Variants in RBMS3 observed in about 807,000 individuals in gnomAD.
The protein encoded by RBMS3 is RNA binding motif single stranded interacting protein 3, also known as RNA-binding motif, single-stranded-interacting protein 3.
Under a neutral mutation model 66.8 loss-of-function variants are expected in RBMS3, and 27 were observed. The observed-to-expected ratio is 0.40, with a 90% CI of 0.30 to 0.56. RBMS3 has a LOEUF of 0.56. Among genes scored for constraint, RBMS3 ranks in the 20% least tolerant of loss-of-function variants. The pLI, the probability that RBMS3 is intolerant of heterozygous loss-of-function variation, is 0.40. For missense variants in RBMS3, 513 were observed against 549.5 expected, an observed-to-expected ratio of 0.93 and a Z score of 0.66; for synonymous variants, 188 against 183.0, an observed-to-expected ratio of 1.03 and a Z score of -0.22.
chr3:29,804,753 A>G (rs2057489845), intron 6 of RBMS3, among the ~76,000 whole-genome samples: 1 of 152,094 alleles, frequency 6.6e-6, no homozygotes, highest in South Asian at 2.1e-4. Flanking sequence ...GTTCACATTC[A>G]GAGCATAAAT....
chr3:29,549,870 G>T (rs1468145204), intron 3 of RBMS3, among the ~76,000 whole-genome samples: 1 of 151,922 alleles, frequency 6.6e-6, no homozygotes, highest in Non-Finnish European at 1.5e-5. Flanking sequence ...CAACAACAAA[G>T]TTCCCTGGCA....
intron 3 of RBMS3, among the ~76,000 whole-genome samples, chr3:29,495,712 C>T (rs1425155743): frequency 6.6e-6 from 1 of 152,020 alleles, no homozygotes; most frequent in East Asian, 1.9e-4. Context: ...GCCACTGCGC[C>T]CGGTCAGAAA....
At chr3:29,852,605 A>C (rs1019485368) in intron 6 of RBMS3, among the ~76,000 whole-genome samples, 1 of 152,236 alleles carries the variant, frequency 6.6e-6, no homozygotes, top group Non-Finnish European at 1.5e-5. Flanking sequence ...TTAAAACCAC[A>C]ATGAGATATT....
intron 1 of RBMS3, among the ~76,000 whole-genome samples, chr3:29,381,112 C>T (rs1386628662): frequency 1.3e-5 from 2 of 152,098 alleles, no homozygotes; most frequent in Admixed American, 6.5e-5. Flanking sequence ...TTACCTCTTG[C>T]ACCTGTGAGG....
rs148302307 is a variant in RBMS3 at position 29,715,738 on chromosome 3, G to A, written c.400-23982G>A. Among the ~76,000 whole-genome samples, 397 of 152,218 alleles carry A rather than the reference G, an allele frequency of 2.6e-3. 4 individuals carry two copies. The highest frequency in any genetic ancestry group is 8.7e-3 in the African/African-American group (362 of 41,568). On this transcript the variant is annotated intron_variant, in intron 4 of 14. Coordinates refer to ENST00000383767, the MANE Select transcript of RBMS3 (RefSeq NM_001003793.3). ...TCTCAATGTCAGAGGTAAAAGCATA[G>A]AGCCTATTCTCTAGTGACAAATCGT...
chr3:29,487,280 G>C (rs534349281), intron 2 of RBMS3, among the ~76,000 whole-genome samples: 2 of 152,082 alleles, frequency 1.3e-5, no homozygotes, highest in South Asian at 2.1e-4. Context: ...GAATAATCTC[G>C]TGTGGTAATA....
At chr3:29,759,153 G>A (rs1321849250) in intron 5 of RBMS3, among the ~76,000 whole-genome samples, 4 of 151,908 alleles carry the variant, frequency 2.6e-5, no homozygotes, top group East Asian at 1.9e-4. Flanking sequence ...CTCATCTGAC[G>A]TAATTTGCCT....
chr3:29,877,199 A>C (rs2059629849), intron 7 of RBMS3, among the ~76,000 whole-genome samples: 1 of 152,300 alleles, frequency 6.6e-6, no homozygotes, highest in Admixed American at 6.5e-5. Flanking sequence ...CCAGGAAATA[A>C]ATAATAGTTG....
At chr3:29,782,475 T>C (rs987732452) in intron 6 of RBMS3, among the ~76,000 whole-genome samples, 4 of 152,054 alleles carry the variant, frequency 2.6e-5, no homozygotes, top group Non-Finnish European at 5.9e-5. Flanking sequence ...TTCCTAGGGG[T>C]AGGAGGAGAA....
intron 4 of RBMS3, among the ~76,000 whole-genome samples, chr3:29,654,521 CGTGTGTGTGTGTGTGTGTGT>C (rs56163408): frequency 2.5e-4 from 30 of 118,990 alleles, no homozygotes; most frequent in South Asian, 1.3e-3. Context: ...GAATTGGATT[CGTGTGTGTGTGTGTGTGTGT>C]GTGTGTGTGT....
intron 2 of RBMS3, among the ~76,000 whole-genome samples, 182 bp from the exon 3 acceptor site, chr3:29,488,259 C>T (rs773509514): frequency 2.6e-5 from 4 of 152,180 alleles, no homozygotes; most frequent in Non-Finnish European, 5.9e-5. Context: ...TAGGGAAGAA[C>T]ATTCCTAAGT....
At chr3:29,808,333 TCTC>T (rs1453015564) in intron 6 of RBMS3, among the ~76,000 whole-genome samples, 1 of 151,992 alleles carries the variant, frequency 6.6e-6, no homozygotes, top group Non-Finnish European at 1.5e-5. Flanking sequence ...TTTGGCTTCT[TCTC>T]TTTTTCTTTT....
At chr3:29,945,071 T>C (rs1241105792) in intron 12 of RBMS3, among the ~76,000 whole-genome samples, 1 of 151,728 alleles carries the variant, frequency 6.6e-6, no homozygotes, top group Non-Finnish European at 1.5e-5. Flanking sequence ...AGTTAATTTT[T>C]TAATTAAATA....
chr3:29,585,174 A>G (rs1036151596), intron 3 of RBMS3, among the ~76,000 whole-genome samples: 4 of 152,154 alleles, frequency 2.6e-5, no homozygotes, highest in African/African-American at 9.7e-5. Flanking sequence ...AAATAAGCCG[A>G]TGAACGGATG....
chr3:29,570,547 T>C (rs1336960857), intron 3 of RBMS3, among the ~76,000 whole-genome samples: 1 of 152,138 alleles, frequency 6.6e-6, no homozygotes, highest in Non-Finnish European at 1.5e-5. Flanking sequence ...TTGATTTTTA[T>C]ATCCAACAAA....
intron 8 of RBMS3, among the ~76,000 whole-genome samples, chr3:29,890,249 T>C (rs1057210948): frequency 2.0e-5 from 3 of 151,660 alleles, no homozygotes; most frequent in Non-Finnish European, 4.4e-5. Flanking sequence ...AAATATATAC[T>C]GTTTCTTGAG....
chr3:29,685,135 T>C (rs1026357716), intron 4 of RBMS3, among the ~76,000 whole-genome samples: 1 of 152,286 alleles, frequency 6.6e-6, no homozygotes, highest in Admixed American at 6.5e-5. Context: ...CTCGGCTCAC[T>C]GCAAGCTCCG....
chr3:29,289,718 G>C (rs1021130463), intron 1 of RBMS3, among the ~76,000 whole-genome samples: 2 of 151,728 alleles, frequency 1.3e-5, no homozygotes, highest in African/African-American at 2.4e-5. Context: ...CCTGTTGTGT[G>C]GAAAGTAAGG....
chr3:29,784,913 C>T (rs2056768574), intron 6 of RBMS3, among the ~76,000 whole-genome samples: 1 of 151,932 alleles, frequency 6.6e-6, no homozygotes, highest in Admixed American at 6.6e-5. Flanking sequence ...CCTTTACATG[C>T]ATAAACTGGA....
Sources: allele counts gnomAD v4.1 joint callset (sites outside exome capture counted in the v4.1 genomes callset), GRCh38; gene constraint gnomAD v4.1.1; transcripts MANE v1.5; gene names NCBI Gene and HGNC (gene_info 2026-07-23, HGNC 2026-07-21).